Variants in GABBR2 observed in about 807,000 individuals in gnomAD.
GABBR2 encodes the protein G-protein coupled receptor 51.
In GABBR2, 23 loss-of-function variants were observed where a neutral mutation model predicts 105.6. The ratio of observed to expected loss-of-function variants is 0.22; its 90% CI spans 0.16 to 0.31. The LOEUF is 0.31. Among genes scored for constraint, GABBR2 ranks in the 10% least tolerant of loss-of-function variants. The probability of loss-of-function intolerance (pLI) is 1.00; values close to 1 mark genes in which losing one functional copy is unlikely to be tolerated. For synonymous variants in GABBR2, 478 were observed against 499.7 expected (o/e 0.96, Z 0.58); for missense variants, 734 against 1,245.5 (o/e 0.59, Z 6.18).
intron 7 of GABBR2, among the ~76,000 whole-genome samples, chr9:98,429,079 CATTTT>C (rs1825752445): frequency 6.6e-6 from 1 of 151,558 alleles, no homozygotes; most frequent in Non-Finnish European, 1.5e-5. Context: ...GCAACCAGTT[CATTTT>C]ATTTCATGAT....
At chr9:98,381,297 C>T (rs1012810010) in intron 11 of GABBR2, among the ~76,000 whole-genome samples, 3 of 152,160 alleles carry the variant, frequency 2.0e-5, no homozygotes, top group Admixed American at 6.5e-5. Context: ...AGGTGGCAGT[C>T]GAATGCAGGC....
chr9:98,603,479 T>C (rs1018484615), intron 1 of GABBR2, among the ~76,000 whole-genome samples: 1 of 152,234 alleles, frequency 6.6e-6, no homozygotes, highest in Non-Finnish European at 1.5e-5. Flanking sequence ...GTTGATATTA[T>C]TCTCTCAAGA....
At chr9:98,358,707 G>A (rs966915273) in intron 13 of GABBR2, among the ~76,000 whole-genome samples, 2 of 152,340 alleles carry the variant, frequency 1.3e-5, no homozygotes, top group East Asian at 3.9e-4. Flanking sequence ...GTGGGGTGCT[G>A]AGCCATAGCT....
At chr9:98,642,466 C>T (rs1225601821) in intron 1 of GABBR2, among the ~76,000 whole-genome samples, 1 of 152,190 alleles carries the variant, frequency 6.6e-6, no homozygotes, top group African/African-American at 2.4e-5. Flanking sequence ...TTTATCATGT[C>T]CTTCCTCAAA....
intron 13 of GABBR2, among the ~76,000 whole-genome samples, chr9:98,341,811 C>CT (rs1489783792): frequency 6.6e-6 from 1 of 152,084 alleles, no homozygotes; most frequent in Non-Finnish European, 1.5e-5. Flanking sequence ...GAAGTGGGCT[C>CT]TTGACAAAAG....
chr9:98,318,919 G>T lies in GABBR2; in HGVS notation c.1894-7714C>A, dbSNP rs370725214. The stretch of plus-strand genomic sequence containing the variant: ...TGTGTGTGTGTGTGTGTGTGTTGGG[G>T]GTGTGTGTGTGTGTGTGGTGTGTGT... On this transcript the variant is annotated intron_variant, in intron 13 of 18. Transcript: ENST00000259455. Among the ~76,000 whole-genome samples the T allele has an allele frequency of 2.3e-3, 301 of 129,226 alleles. 1 individual carries two copies. The highest frequency in any genetic ancestry group is 3.3e-3 in the Admixed American group (42 of 12,672). The allele number at this position is 129,226 out of a possible 152,430, so 84.8% of individuals were successfully genotyped here.
intron 2 of GABBR2, among the ~76,000 whole-genome samples, chr9:98,551,414 A>T (rs1828483346): frequency 6.6e-6 from 1 of 152,136 alleles, no homozygotes; most frequent in African/African-American, 2.4e-5. Context: ...GTCTCAACCA[A>T]ACCAAACCAA....
At chr9:98,498,771 A>G (rs983391109) in intron 3 of GABBR2, among the ~76,000 whole-genome samples, 5 of 151,164 alleles carry the variant, frequency 3.3e-5, no homozygotes, top group Admixed American at 6.6e-5. Context: ...CAATGGGGGG[A>G]AAAAGTTAAC....
chr9:98,527,522 A>C (rs1307911407), intron 3 of GABBR2, among the ~76,000 whole-genome samples: 3 of 152,202 alleles, frequency 2.0e-5, no homozygotes, highest in Admixed American at 6.5e-5. Context: ...GCCAGTCATA[A>C]GATGTGGATA....
In GABBR2 at chr9:98,578,040, G is replaced by A. The variant is rs747923407; in HGVS notation, c.354C>T (p.Tyr118=). 63 of 1,613,730 alleles carry A rather than the reference G, an allele frequency of 3.9e-5. No homozygotes were observed. The South Asian group carries it at 4.7e-4, about 12-fold the overall frequency. The part of the protein sequence containing the change: ...CDNAKGLKAF[Y]DAIKYGPNHL... ...GGTTAGGCCCGTATTTTATTGCATCGTAGAAGGCTTTCAACCCTTTTGCGT... is the reference window on the plus strand; with the variant it reads ...GGTTAGGCCCGTATTTTATTGCATCATAGAAGGCTTTCAACCCTTTTGCGT... The change falls in exon 2 of 19, where the codon TAC becomes TAT. Residue 118 remains tyrosine (Y), a synonymous_variant. Coordinates refer to ENST00000259455, the MANE Select transcript of GABBR2 (RefSeq NM_005458.8).
intron 13 of GABBR2, among the ~76,000 whole-genome samples, chr9:98,321,430 G>A (rs955841555): frequency 2.0e-5 from 3 of 152,192 alleles, no homozygotes; most frequent in African/African-American, 7.2e-5. Flanking sequence ...GGGCAGCCTG[G>A]ACCCCTCATG....
At chr9:98,550,116 A>G (rs1301392610) in intron 2 of GABBR2, among the ~76,000 whole-genome samples, 1 of 152,220 alleles carries the variant, frequency 6.6e-6, no homozygotes, top group Non-Finnish European at 1.5e-5. Flanking sequence ...CAAATTTAGT[A>G]TAACTGCCCC....
At chr9:98,637,234 C>G (rs911522575) in intron 1 of GABBR2, among the ~76,000 whole-genome samples, 7 of 152,178 alleles carry the variant, frequency 4.6e-5, no homozygotes, top group African/African-American at 1.7e-4. Flanking sequence ...ACAGGACTTA[C>G]CTACTGACTG....
Position 98,391,964 on chromosome 9 carries a change from C to T in GABBR2, c.1378+2211G>A, listed in dbSNP as rs564629003. Among the ~76,000 whole-genome samples the T allele has an allele frequency of 2.1e-4, 32 of 152,178 alleles. No individual in the cohort carries two copies. The East Asian group carries it at 2.9e-3, about 14-fold the overall frequency. On this transcript the variant is annotated intron_variant, in intron 9 of 18. Coordinates refer to ENST00000259455, the MANE Select transcript of GABBR2 (RefSeq NM_005458.8). The stretch of plus-strand genomic sequence containing the variant: ...CTCACTGGGGGCTAGTGTAGGGGTC[C>T]GAGTGAGCGGGGCTGAGAGCTGAAC...
intron 12 of GABBR2, among the ~76,000 whole-genome samples, chr9:98,369,674 C>G (rs2131458781): frequency 6.6e-6 from 1 of 152,256 alleles, no homozygotes; most frequent in Admixed American, 6.5e-5. Flanking sequence ...GAGCAAAATG[C>G]AGGCTTGGAT....
chr9:98,602,340 C>T (rs560054319), intron 1 of GABBR2, among the ~76,000 whole-genome samples: 1 of 151,556 alleles, frequency 6.6e-6, no homozygotes, highest in African/African-American at 2.4e-5. Context: ...GGCGTGGTGG[C>T]AGGCACCCGT....
chr9:98,341,209 C>T (rs78415190), intron 13 of GABBR2, among the ~76,000 whole-genome samples: 177 of 152,324 alleles, frequency 1.2e-3, no homozygotes, highest in African/African-American at 4.0e-3. Flanking sequence ...AGAATCGCGG[C>T]GGTGGCTGGC....
intron 2 of GABBR2, 138 bp downstream of exon 2, chr9:98,577,797 G>A: frequency 5.2e-6 from 4 of 772,916 alleles, no homozygotes; most frequent in Non-Finnish European, 8.1e-6. Context: ...GTGAAAGGCT[G>A]TGCTATCACC....
chr9:98,459,145 A>G (rs1826379264), intron 6 of GABBR2, among the ~76,000 whole-genome samples: 1 of 152,200 alleles, frequency 6.6e-6, no homozygotes, highest in Non-Finnish European at 1.5e-5. Context: ...AGACAGGGAG[A>G]TGCCTCCCCT....
Sources: allele counts gnomAD v4.1 joint callset (sites outside exome capture counted in the v4.1 genomes callset), GRCh38; gene constraint gnomAD v4.1.1; transcripts MANE v1.5; gene names NCBI Gene and HGNC (gene_info 2026-07-23, HGNC 2026-07-21).